Variants in TGM7 observed in about 807,000 individuals in gnomAD.
TGM7 encodes the protein protein-glutamine gamma-glutamyltransferase Z.
Under a neutral mutation model 79.5 loss-of-function variants are expected in TGM7, and 74 were observed. The ratio of observed to expected loss-of-function variants is 0.93; its 90% confidence interval spans 0.77 to 1.13. The LOEUF (loss-of-function observed/expected upper bound fraction) is 1.13. Ranked by LOEUF, TGM7 falls within the 50% of genes most tolerant of loss-of-function variation. The probability of loss-of-function intolerance (pLI) is 0.00; values close to 1 mark genes in which losing one functional copy is unlikely to be tolerated. For missense variants in TGM7, 912 were observed against 905.9 expected, an observed-to-expected ratio of 1.01 and a Z score of -0.09; for synonymous variants, 354 against 362.5, an observed-to-expected ratio of 0.98 and a Z score of 0.27.
intron 1 of TGM7, among the ~76,000 whole-genome samples, chr15:43,296,666 C>G (rs954672942): frequency 6.6e-6 from 1 of 152,056 alleles, no homozygotes; most frequent in African/African-American, 2.4e-5. Flanking sequence ...GTTTGTAGCT[C>G]AAAGCATAGT....
At chr15:43,282,191 G>T (rs1265040246) in intron 8 of TGM7, 105 bp from the exon 9 acceptor site, 1 of 1,473,616 alleles carries the variant, frequency 6.8e-7, no homozygotes, top group Admixed American at 2.0e-5. Flanking sequence ...TCACCCGTGG[G>T]ATATCTTCCA....
At chr15:43,277,190 A>G (rs2042882574) in intron 11 of TGM7, among the ~76,000 whole-genome samples, 195 bp from the exon 12 acceptor site, 1 of 152,130 alleles carries the variant, frequency 6.6e-6, no homozygotes, top group Non-Finnish European at 1.5e-5. Flanking sequence ...TTAGGTCACA[A>G]TACTCCAAGG....
Position 43,294,990 on chromosome 15 carries a change from A to T in TGM7, c.11-1359T>A, listed in dbSNP as rs2042985437. Among the ~76,000 whole-genome samples the T allele has an allele frequency of 2.0e-5, 3 of 151,550 alleles. No homozygotes were observed. The South Asian group carries it at 6.3e-4, about 32-fold the overall frequency. Reference sequence around the variant, plus strand: ...CTGGCTCACTGCAGCCTCAGCCTTCATTCTGGGCTCAAGTGATCCTCCCAT... The same window carrying T: ...CTGGCTCACTGCAGCCTCAGCCTTCTTTCTGGGCTCAAGTGATCCTCCCAT... On this transcript the variant is annotated intron_variant, in intron 1 of 12. Transcript: ENST00000452443.
chr15:43,287,408 T>C lies in TGM7; in HGVS notation c.737A>G (p.Asp246Gly). 6.2e-7 allele frequency: 1 copy of C among 1,614,140 alleles called. No individual in the cohort carries two copies. Among genetic ancestry groups the C allele is most frequent in the Non-Finnish European group, 8.5e-7 (1 of 1,180,032 alleles). Residue 246 changes from aspartate to glycine, a missense_variant, in exon 6 of 13, where the codon GAC becomes GGC. Asp to Gly is a moderately conservative substitution (Grantham distance 94, BLOSUM62 -1). Transcript: ENST00000452443. ...CAGAGGACTGACCCCTTTGGAGTAG[T>C]CCTCGCCCCAGTTCCCCTGCAGCAC... ...NGVLQGNWGE[D>G]YSKGVSPLEW...
chr15:43,293,578 C>A lies in TGM7; in HGVS notation c.64G>T (p.Glu22Ter). 1 of 1,610,606 alleles carries A rather than the reference C, an allele frequency of 6.2e-7. No individual in the cohort carries two copies. Among genetic ancestry groups the A allele is most frequent in the East Asian group, 2.2e-5 (1 of 44,778 alleles). ...VDLQSSRNNK[E>*]HHTQEMGVKR... ...ACGCCCATCTCCTGCGTGTGGTGCTCCTTGTTGTTCCTGGAGCTCTGCAGG... is the reference window on the plus strand; with the variant it reads ...ACGCCCATCTCCTGCGTGTGGTGCTACTTGTTGTTCCTGGAGCTCTGCAGG... The change falls in exon 2 of 13, where the codon GAG (glutamate) becomes TAG (stop). Residue 22 changes from glutamate (E) to a stop codon, truncating the protein, a stop_gained. Coordinates refer to ENST00000452443, the MANE Select transcript of TGM7 (RefSeq NM_052955.3). LOFTEE classifies it high-confidence loss of function.
chr15:43,293,665 T>A, intron 1 of TGM7, 34 bp from the exon 2 acceptor site: 1 of 1,544,766 alleles, frequency 6.5e-7, no homozygotes, highest in East Asian at 2.3e-5. Context: ...CACGCCCACC[T>A]GCAGTCCCCT....
chr15:43,296,837 T>C (rs1030371616), intron 1 of TGM7, among the ~76,000 whole-genome samples: 1 of 152,286 alleles, frequency 6.6e-6, no homozygotes, highest in Middle Eastern at 3.4e-3. Context: ...GTTTTCTTTT[T>C]TATTCCACTC....
chr15:43,301,784 AG>A (rs571686775), intron 1 of TGM7, among the ~76,000 whole-genome samples: 1 of 152,014 alleles, frequency 6.6e-6, no homozygotes, highest in Non-Finnish European at 1.5e-5. Context: ...GGATCGAAAA[AG>A]GGGCCTGAAC....
intron 1 of TGM7, among the ~76,000 whole-genome samples, chr15:43,297,138 C>G (rs2042999856): frequency 6.6e-6 from 1 of 152,110 alleles, no homozygotes; most frequent in South Asian, 2.1e-4. Flanking sequence ...CAAATATATC[C>G]TGATGTATTA....
intron 1 of TGM7, among the ~76,000 whole-genome samples, chr15:43,301,315 A>G (rs1566848932): frequency 6.6e-6 from 1 of 151,570 alleles, no homozygotes; most frequent in African/African-American, 2.4e-5. Context: ...AGAACATGAT[A>G]CATGCTTTAG....
At chr15:43,301,999 C>T (rs2043027635) in intron 1 of TGM7, 3 of 572,256 alleles carry the variant, frequency 5.2e-6, no homozygotes, top group Non-Finnish European at 9.4e-6. Flanking sequence ...CATTTCAGCC[C>T]CCCAGGTTTT....
chr15:43,295,990 T>A (rs1354419300), intron 1 of TGM7, among the ~76,000 whole-genome samples: 1 of 152,210 alleles, frequency 6.6e-6, no homozygotes, highest in Non-Finnish European at 1.5e-5. Context: ...CATTTAGTAG[T>A]TTGTGAAATC....
At chr15:43,292,307 G>C (rs1281882612) in intron 3 of TGM7, among the ~76,000 whole-genome samples, 1 of 152,102 alleles carries the variant, frequency 6.6e-6, no homozygotes, top group Non-Finnish European at 1.5e-5. Flanking sequence ...AAAAACCAAC[G>C]ATCTTTTCTT....
chr15:43,279,479 G>A lies in TGM7; in HGVS notation c.1678+146C>T, dbSNP rs549502996. 1.5e-5 allele frequency: 18 copies of A among 1,201,220 alleles called. No homozygotes were observed. In the African/African-American group the frequency reaches 2.0e-4, roughly 13 times the overall value. 74.4% of individuals were successfully genotyped at this position (1,201,220 alleles called of 1,614,324 possible). ...CGCCTGGTGGGGTGGCATCAGAGGT[G>A]CAGCAGCTGGCAGCTTCACTGCCCA... is the stretch of plus-strand genomic sequence containing the variant. On this transcript the variant is annotated intron_variant, in intron 10 of 12. Coordinates refer to ENST00000452443, the MANE Select transcript of TGM7 (RefSeq NM_052955.3).
intron 6 of TGM7, among the ~76,000 whole-genome samples, chr15:43,285,666 C>A (rs1236382143): frequency 6.6e-6 from 1 of 152,084 alleles, no homozygotes; most frequent in African/African-American, 2.4e-5. Flanking sequence ...AGATAGACTT[C>A]TAGAGACAGT....
chr15:43,295,624 A>C (rs147694358), intron 1 of TGM7, among the ~76,000 whole-genome samples: 1 of 152,346 alleles, frequency 6.6e-6, no homozygotes, highest in Admixed American at 6.5e-5. Context: ...CTCTTTGGGC[A>C]TAGCTGTTCA....
intron 4 of TGM7, 90 bp from the exon 5 acceptor site, chr15:43,287,759 A>T: frequency 6.3e-6 from 9 of 1,432,616 alleles, no homozygotes; most frequent in South Asian, 2.7e-5. Flanking sequence ...TGGGGATGGC[A>T]TGTATATGGG....
rs2042939961 is a variant in TGM7, at chr15:43,287,282, G to C, written c.863C>G (p.Thr288Ser). Reference sequence around the variant, plus strand: ...TAAGTGAGTGATCTTTCGCTCACCGGTGCACATAACAGAGGCGAAGACCCA... The same window carrying C: ...TAAGTGAGTGATCTTTCGCTCACCGCTGCACATAACAGAGGCGAAGACCCA... ...QCWVFASVMC[T>S]VMRCLGVPTR... The change falls in exon 6 of 13, where the codon ACC becomes AGC. Residue 288 changes from threonine (T) to serine (S), a missense_variant and splice_region_variant. Thr to Ser is a moderately conservative substitution (Grantham distance 58, BLOSUM62 1). Coordinates refer to ENST00000452443, the MANE Select transcript of TGM7 (RefSeq NM_052955.3). The C allele has an allele frequency of 1.2e-6, 2 of 1,612,570 alleles. No homozygotes were observed. Among genetic ancestry groups the C allele is most frequent in the Non-Finnish European group, 1.7e-6 (2 of 1,179,860 alleles).
chr15:43,277,501 C>A (rs1486710114), intron 11 of TGM7, among the ~76,000 whole-genome samples: 6 of 152,176 alleles, frequency 3.9e-5, no homozygotes, highest in Admixed American at 3.9e-4. Context: ...AATGGCAGAG[C>A]CAGGACCTGA....
Sources: gnomAD v4.1 joint callset for allele counts (sites outside exome capture counted in the v4.1 genomes callset) on GRCh38, gnomAD v4.1.1 for gene constraint, MANE v1.5 for transcripts, NCBI Gene and HGNC (gene_info 2026-07-23, HGNC 2026-07-21) for gene names.